The following LRRC69 variants were observed in gnomAD, a reference collection of about 807,000 sequenced individuals.
LRRC69 encodes the protein leucine-rich repeat-containing protein 69.
A neutral mutation model predicts 37.8 loss-of-function variants in LRRC69; 42 were observed. The ratio of observed to expected loss-of-function variants is 1.11; its 90% CI spans 0.87 to 1.44. LRRC69 has a LOEUF of 1.44. LRRC69 is among the 40% of genes most tolerant of loss of function. The pLI is 0.00. For missense variants in LRRC69, 357 were observed against 401.9 expected, an observed-to-expected ratio of 0.89 and a Z score of 0.96; for synonymous variants, 141 against 143.1, an observed-to-expected ratio of 0.99 and a Z score of 0.11.
chr8:91,129,811 C>G (rs1156827389), intron 3 of LRRC69, among the ~76,000 whole-genome samples: 4 of 151,944 alleles, frequency 2.6e-5, no homozygotes, highest in Non-Finnish European at 5.9e-5. Context: ...TCATCTCTCT[C>G]TGAAGTCCCG....
intron 5 of LRRC69, among the ~76,000 whole-genome samples, chr8:91,166,293 A>G (rs1809025916): frequency 1.3e-5 from 2 of 151,798 alleles, no homozygotes; most frequent in Middle Eastern, 6.8e-3. Flanking sequence ...ATGTTCCTCC[A>G]CCTCATACAC....
chr8:91,165,451 T>G (rs1415206722), intron 5 of LRRC69, among the ~76,000 whole-genome samples: 1 of 151,718 alleles, frequency 6.6e-6, no homozygotes, highest in African/African-American at 2.4e-5. Context: ...ACCATGAGGT[T>G]TTTGTTACTG....
intron 3 of LRRC69, among the ~76,000 whole-genome samples, chr8:91,132,322 C>G (rs1813823118): frequency 6.6e-6 from 1 of 151,884 alleles, no homozygotes; most frequent in South Asian, 2.1e-4. Context: ...TAATTCCAAC[C>G]TCAGAGTCAT....
At chr8:91,176,115 C>T (rs1809219370) in intron 5 of LRRC69, among the ~76,000 whole-genome samples, 1 of 102,340 alleles carries the variant, frequency 9.8e-6, no homozygotes, top group Non-Finnish European at 1.9e-5. Flanking sequence ...CACCATCCCT[C>T]ATATATATAT....
intron 5 of LRRC69, among the ~76,000 whole-genome samples, chr8:91,179,951 A>G (rs763112419): frequency 1.4e-4 from 21 of 152,204 alleles, no homozygotes; most frequent in Non-Finnish European, 2.5e-4. Context: ...AGCTTTTGAA[A>G]GCAGGAACCA....
intron 3 of LRRC69, among the ~76,000 whole-genome samples, chr8:91,129,731 A>G (rs781415040): frequency 1.3e-5 from 2 of 151,564 alleles, no homozygotes; most frequent in Non-Finnish European, 2.9e-5. Context: ...AGCTCCCTCA[A>G]TTTCCTTCTT....
chr8:91,127,281 G>A (rs1813733219), intron 3 of LRRC69, 121 bp downstream of exon 3: 1 of 680,352 alleles, frequency 1.5e-6, no homozygotes, highest in Non-Finnish European at 2.4e-6. Flanking sequence ...AGCAAAGAGG[G>A]ATCTGAAGGA....
intron 6 of LRRC69, 101 bp downstream of exon 6, chr8:91,189,724 T>A (rs1329131746): frequency 2.7e-6 from 2 of 746,376 alleles, no homozygotes; most frequent in Non-Finnish European, 4.3e-6. Flanking sequence ...AGCAAATGAT[T>A]AATGTAATCC....
intron 5 of LRRC69, among the ~76,000 whole-genome samples, chr8:91,148,367 A>T (rs1808662582): frequency 6.6e-6 from 1 of 151,568 alleles, no homozygotes; most frequent in African/African-American, 2.4e-5. Context: ...TCTGCTGAGA[A>T]TGATGGTTTC....
chr8:91,112,847 G>T (rs1223204249), intron 1 of LRRC69, among the ~76,000 whole-genome samples: 2 of 151,954 alleles, frequency 1.3e-5, no homozygotes, highest in African/African-American at 4.8e-5. Context: ...ATAAAAAACC[G>T]TTAGAACTAA....
At chr8:91,130,962 A>G (rs891416245) in intron 3 of LRRC69, 4 of 151,970 alleles carry the variant, frequency 2.6e-5, no homozygotes, top group Non-Finnish European at 4.4e-5. Context: ...GGTTTACCCC[A>G]TCATCATGAC....
intron 5 of LRRC69, among the ~76,000 whole-genome samples, chr8:91,180,394 G>A (rs1809303929): frequency 6.6e-6 from 1 of 152,140 alleles, no homozygotes; most frequent in African/African-American, 2.4e-5. Flanking sequence ...CATGGCAGCT[G>A]GCTTCCCCCA....
At chr8:91,117,750 A>G (rs562366095) in intron 1 of LRRC69, among the ~76,000 whole-genome samples, 4 of 151,862 alleles carry the variant, frequency 2.6e-5, no homozygotes, top group South Asian at 4.2e-4. Flanking sequence ...AGTACATGCC[A>G]TGTTAGGCTG....
intron 1 of LRRC69, among the ~76,000 whole-genome samples, chr8:91,116,041 A>G (rs1437390918): frequency 6.6e-6 from 1 of 152,048 alleles, no homozygotes; most frequent in African/African-American, 2.4e-5. Flanking sequence ...GTGCTTGTGA[A>G]TTTAGAAATG....
rs193143282 is a variant in LRRC69 at position 91,190,965 on chromosome 8, G to A, written c.753+1342G>A. ...CAGCTACTCAGGAGGCTTGAGCCCA[G>A]TAGGTTGAGTCTGCAATGAGTTGGG... is the stretch of plus-strand genomic sequence containing the variant. On this transcript the variant is annotated intron_variant, in intron 6 of 7. Coordinates refer to ENST00000448384, the Ensembl canonical transcript of LRRC69. Among the ~76,000 whole-genome samples, 27 of 151,142 alleles carry A rather than the reference G, an allele frequency of 1.8e-4. No homozygotes were observed. The East Asian group carries it at 4.9e-3, about 27-fold the overall frequency.
chr8:91,133,327 A>G (rs780522734), intron 4 of LRRC69, 22 bp downstream of exon 4: 5 of 1,474,948 alleles, frequency 3.4e-6, no homozygotes, highest in Admixed American at 3.0e-5. Flanking sequence ...ATGGAACCAC[A>G]GTAGTTTGCT....
chr8:91,173,118 G>T (rs11992004), intron 5 of LRRC69, among the ~76,000 whole-genome samples: 102,959 of 151,602 alleles, frequency 0.68, 35,509 homozygotes, highest in African/African-American at 0.74. Flanking sequence ...CTATAGTTGC[G>T]TAGGATGTAG....
intron 5 of LRRC69, among the ~76,000 whole-genome samples, chr8:91,152,672 A>G (rs1466167722): frequency 1.3e-5 from 2 of 151,348 alleles, no homozygotes; most frequent in Admixed American, 1.3e-4. Flanking sequence ...AAGAATGTCA[A>G]TGGTAATTTG....
chr8:91,180,533 C>T lies in LRRC69; in HGVS notation c.652-8989C>T, dbSNP rs116301721. On this transcript the variant is annotated intron_variant, in intron 5 of 7. Transcript: ENST00000448384. ...TAGAAGTGAGTCACTAAGTCCAGTACGCACTCAAGGGGAGGAGAATTAGGC... is the reference window on the plus strand; with the variant it reads ...TAGAAGTGAGTCACTAAGTCCAGTATGCACTCAAGGGGAGGAGAATTAGGC... 5.7e-3 allele frequency among the ~76,000 whole-genome samples: 865 copies of T among 152,282 alleles called. 9 individuals carry two copies. The highest frequency in any genetic ancestry group is 0.019 in the African/African-American group (803 of 41,548).
Sources: gnomAD v4.1 joint callset for allele counts (sites outside exome capture counted in the v4.1 genomes callset) on GRCh38, gnomAD v4.1.1 for gene constraint, MANE v1.5 for transcripts, NCBI Gene and HGNC (gene_info 2026-07-23, HGNC 2026-07-21) for gene names.